The following ZFAND1 variants were observed in gnomAD, a reference collection of about 807,000 sequenced individuals.
ZFAND1 encodes AN1-type zinc finger protein 1.
Under a neutral mutation model 38.5 loss-of-function variants are expected in ZFAND1, and 40 were observed. That is an observed-to-expected ratio of 1.04 (90% CI 0.81 to 1.35). The LOEUF (loss-of-function observed/expected upper bound fraction) is 1.35, where lower values mean the gene tolerates loss of function less well. Among genes scored for constraint, ZFAND1 ranks in the 40% most tolerant of loss-of-function variants. The pLI is 0.00. For synonymous variants in ZFAND1, 117 were observed against 103.6 expected (o/e 1.13, Z -0.78); for missense variants, 346 against 316.3 (o/e 1.09, Z -0.71).
At chr8:81,719,352 C>CACACACACACACAA (rs1304225834) in intron 1 of ZFAND1, among the ~76,000 whole-genome samples, 7 of 149,760 alleles carry the variant, frequency 4.7e-5, no homozygotes, top group Non-Finnish European at 8.9e-5. Flanking sequence ...CACACACACA[C>CACACACACACACAA]ACAAATTAGC....
At chr8:81,709,692 C>T (rs1808081019) in intron 6 of ZFAND1, among the ~76,000 whole-genome samples, 1 of 152,152 alleles carries the variant, frequency 6.6e-6, no homozygotes, top group South Asian at 2.1e-4. Context: ...TATACTTACA[C>T]ACACACAAAC....
chr8:81,715,244 A>AT, intron 3 of ZFAND1, 130 bp from the exon 4 acceptor site: 1 of 866,430 alleles, frequency 1.2e-6, no homozygotes, highest in Non-Finnish European at 1.7e-6. Flanking sequence ...ACTCTCAAAG[A>AT]TTATAAAGAA....
rs967801185 is a variant in ZFAND1 at position 81,702,594 on chromosome 8, C to T, written c.*101G>A. ...ACATAAGGGGAAATAAGTTAAAAAGCAACTTTTAAAAATTACAAAAATAGT... is the reference window on the plus strand; with the variant it reads ...ACATAAGGGGAAATAAGTTAAAAAGTAACTTTTAAAAATTACAAAAATAGT... On this transcript the variant is annotated 3_prime_UTR_variant, in exon 8 of 8. Transcript: ENST00000220669. 4.9e-6 allele frequency: 5 copies of T among 1,028,476 alleles called. No homozygotes were observed. The African/African-American group carries it at 8.4e-5, about 17-fold the overall frequency. The allele number at this position is 1,028,476 out of a possible 1,614,324, so 63.7% of individuals were successfully genotyped here. A position where few individuals can be genotyped will look rare whatever the true frequency, so the allele number is the denominator to read the frequency against.
Position 81,702,802 on chromosome 8 carries a change from A to G in ZFAND1, c.700T>C (p.Trp234Arg), listed in dbSNP as rs1403701304. Residue 234 changes from tryptophan (W) to arginine (R), a missense_variant, in exon 8 of 8, where the codon TGG becomes CGG. Trp to Arg is a moderately radical substitution (Grantham distance 101). Coordinates refer to ENST00000220669, the MANE Select transcript of ZFAND1 (RefSeq NM_024699.3). ...ALPLDHTLET[W>R]IAKEDCPLYN... ...AAAGGACAATCCTCCTTAGCAATCC[A>G]GGTTTCCAAAGTATGATCCAAGGGT... The G allele has an allele frequency of 6.2e-7, 1 of 1,609,378 alleles. No homozygotes were observed. Among genetic ancestry groups the G allele is most frequent in the Admixed American group, 1.7e-5 (1 of 59,170 alleles).
chr8:81,714,642 T>C, intron 5 of ZFAND1, 162 bp downstream of exon 5: 1 of 646,780 alleles, frequency 1.5e-6, no homozygotes, highest in Non-Finnish European at 2.6e-6. Context: ...ATCGGTCAGG[T>C]AGACCTCATA....
intron 3 of ZFAND1, among the ~76,000 whole-genome samples, chr8:81,715,938 T>A (rs972014139): frequency 6.6e-6 from 1 of 152,224 alleles, no homozygotes; most frequent in African/African-American, 2.4e-5. Flanking sequence ...AGGATAGATT[T>A]ATAAACTGCA....
Position 81,715,095 on chromosome 8 carries a change from C to T in ZFAND1, c.158G>A (p.Arg53Lys), listed in dbSNP as rs774382874. The change falls in exon 4 of 8, where the codon AGA becomes AAA. Residue 53 changes from arginine to lysine, a missense_variant. By Grantham distance (26) the Arg-to-Lys change is conservative. Transcript: ENST00000220669. Reference sequence around the variant, plus strand: ...AGATGTATGTTGATCTGTCTTCAGTCTCTCATTGATTACAGTCACCTGAAA... The same window carrying T: ...AGATGTATGTTGATCTGTCTTCAGTTTCTCATTGATTACAGTCACCTGAAA... ...GCPEVTVINE[R>K]LKTDQHTSYP... The T allele has an allele frequency of 6.2e-7, 1 of 1,613,904 alleles. No individual in the cohort carries two copies. The highest frequency in any genetic ancestry group is 8.5e-7 in the Non-Finnish European group (1 of 1,179,920).
At chr8:81,718,314 C>T in intron 1 of ZFAND1, 90 bp from the exon 2 acceptor site, 1 of 999,600 alleles carries the variant, frequency 1.0e-6, no homozygotes, top group Admixed American at 2.6e-5. Flanking sequence ...GGAAAAACTT[C>T]CCATTTTGAC....
intron 6 of ZFAND1, among the ~76,000 whole-genome samples, chr8:81,709,390 C>T (rs1490604595): frequency 6.6e-6 from 1 of 152,086 alleles, no homozygotes; most frequent in African/African-American, 2.4e-5. Context: ...AGAAGGGATT[C>T]TGTTTTATTC....
chr8:81,714,881 G>C lies in ZFAND1; in HGVS notation c.281C>G (p.Ser94Ter). The change falls in exon 5 of 8, where the codon TCA becomes TGA. Residue 94 changes from serine to a stop codon, truncating the protein, a stop_gained. Transcript: ENST00000220669. LOFTEE classifies it high-confidence loss of function. ...TTCCAGTTTTTCACACTCATGATCT[G>C]ACTGATGACGGTGTCTATGAGCAAC... ...KNFCLRHRHQ[S>*]DHECEKLEIP... 6.2e-7 allele frequency: 1 copy of C among 1,614,024 alleles called. No homozygotes were observed. Among genetic ancestry groups the C allele is most frequent in the Non-Finnish European group, 8.5e-7 (1 of 1,179,942 alleles).
At chr8:81,717,479 A>C (rs534208307) in intron 2 of ZFAND1, among the ~76,000 whole-genome samples, 191 bp from the exon 3 acceptor site, 6 of 152,294 alleles carry the variant, frequency 3.9e-5, no homozygotes, top group African/African-American at 1.4e-4. Context: ...TTTAAAACAC[A>C]AATGTTCAAC....
chr8:81,706,621 T>C (rs1357298456), intron 6 of ZFAND1, among the ~76,000 whole-genome samples: 1 of 151,932 alleles, frequency 6.6e-6, no homozygotes, highest in Non-Finnish European at 1.5e-5. Context: ...GGATATTATA[T>C]TGGAGATTAT....
At chr8:81,715,426 T>C (rs376137556) in intron 3 of ZFAND1, among the ~76,000 whole-genome samples, 3 of 152,312 alleles carry the variant, frequency 2.0e-5, no homozygotes, top group Non-Finnish European at 1.5e-5. Flanking sequence ...TATGCTCAGG[T>C]AATTATCTCA....
At chr8:81,714,081 AC>A (rs1196740953) in intron 5 of ZFAND1, 42 bp from the exon 6 acceptor site, 14 of 1,528,616 alleles carry the variant, frequency 9.2e-6, no homozygotes, top group Non-Finnish European at 1.2e-5. Context: ...CTTTCACATT[AC>A]AAATAGAATT....
chr8:81,702,161 T>C lies in ZFAND1; in HGVS notation c.*534A>G, dbSNP rs1362742094. 1 of 152,234 alleles carries C rather than the reference T, an allele frequency of 6.6e-6. No individual in the cohort carries two copies. Among genetic ancestry groups the C allele is most frequent in the Non-Finnish European group, 1.5e-5 (1 of 68,042 alleles). 9.4% of individuals were successfully genotyped at this position (152,234 alleles called of 1,614,324 possible). ...TCTAAGTTTCTATAATTCATGTAGA[T>C]ATATCAATTTATACATCATGATGTA... On this transcript the variant is annotated 3_prime_UTR_variant, in exon 8 of 8. Coordinates refer to ENST00000220669, the MANE Select transcript of ZFAND1 (RefSeq NM_024699.3).
intron 6 of ZFAND1, among the ~76,000 whole-genome samples, chr8:81,705,000 A>G (rs1240565977): frequency 1.3e-5 from 2 of 152,206 alleles, no homozygotes; most frequent in Non-Finnish European, 2.9e-5. Flanking sequence ...AAAATGAAAC[A>G]GAAATGCAAA....
At chr8:81,704,215 C>G (rs561484861) in intron 6 of ZFAND1, among the ~76,000 whole-genome samples, 3 of 152,126 alleles carry the variant, frequency 2.0e-5, no homozygotes, top group Non-Finnish European at 4.4e-5. Flanking sequence ...TATCTGCCCT[C>G]TCCTTATATT....
intron 6 of ZFAND1, 114 bp from the exon 7 acceptor site, chr8:81,703,238 T>TA: frequency 1.5e-6 from 1 of 669,344 alleles, no homozygotes; most frequent in Non-Finnish European, 2.3e-6. Context: ...TCTAACAAGG[T>TA]ATCTGCTACT....
At chr8:81,712,474 A>T (rs1176046524) in intron 6 of ZFAND1, among the ~76,000 whole-genome samples, 6 of 152,148 alleles carry the variant, frequency 3.9e-5, no homozygotes, top group Non-Finnish European at 7.4e-5. Context: ...ATATGACTAC[A>T]CAGAAAATAG....
Sources: gnomAD v4.1 joint callset for allele counts (sites outside exome capture counted in the v4.1 genomes callset) on GRCh38, gnomAD v4.1.1 for gene constraint, MANE v1.5 for transcripts, NCBI Gene and HGNC (gene_info 2026-07-23, HGNC 2026-07-21) for gene names.